The following MROH2A variants were observed in gnomAD, a reference collection of about 807,000 sequenced individuals.
MROH2A encodes the protein maestro heat-like repeat-containing protein family member 2A.
Under a neutral mutation model 200.4 loss-of-function variants are expected in MROH2A, and 174 were observed. The observed-to-expected ratio is 0.87, with a 90% CI of 0.77 to 0.98. The LOEUF (loss-of-function observed/expected upper bound fraction) is 0.98. Among genes scored for constraint, MROH2A ranks in the 50% least tolerant of loss-of-function variants. MROH2A has a pLI of 0.00. For synonymous variants in MROH2A, 829 were observed against 840.4 expected, an observed-to-expected ratio of 0.99 and a Z score of 0.23; for missense variants, 2,045 against 2,139.6, an observed-to-expected ratio of 0.96 and a Z score of 0.87.
upstream of MROH2A, among the ~76,000 whole-genome samples, chr2:233,775,990 C>T (rs1444911369): frequency 6.6e-6 from 1 of 152,172 alleles, no homozygotes; most frequent in Non-Finnish European, 1.5e-5. Context: ...AAGATGTGCC[C>T]TTGCTCCTCC....
At position 233,807,716 on chromosome 2, in the gene MROH2A, G is replaced by C. The variant is rs947365911; in HGVS notation, c.2173-17G>C. The C allele has an allele frequency of 5.8e-6, 9 of 1,550,650 alleles. No individual in the cohort carries two copies. Among genetic ancestry groups the C allele is most frequent in the Middle Eastern group, 1.7e-4 (1 of 5,990 alleles). ...CTGGCCCCTGCCCTCACCCTGGCTG[G>C]CTGGGTCTCCCTGCAGGGTGTGATT... On this transcript the variant is annotated splice_polypyrimidine_tract_variant and intron_variant, in intron 20 of 41. Coordinates refer to ENST00000389758, the MANE Select transcript of MROH2A (RefSeq NM_001394639.1). This position sits in a 1 kb window ranked among gnomAD's most constrained non-coding sequence, Gnocchi z 4.3.
chr2:233,786,135 G>C (rs915251325), intron 3 of MROH2A, among the ~76,000 whole-genome samples: 2 of 152,204 alleles, frequency 1.3e-5, no homozygotes, highest in Middle Eastern at 3.4e-3. Flanking sequence ...ATTCTCTCTT[G>C]CTTGCTGCCA....
At chr2:233,781,511 T>A (rs1700953887) in intron 3 of MROH2A, among the ~76,000 whole-genome samples, 1 of 152,180 alleles carries the variant, frequency 6.6e-6, no homozygotes, top group Admixed American at 6.5e-5. Context: ...TTTTTTTATA[T>A]CCCTGTTGGC....
intron 3 of MROH2A, among the ~76,000 whole-genome samples, chr2:233,784,716 C>A (rs995532579): frequency 3.9e-5 from 6 of 152,270 alleles, no homozygotes; most frequent in Admixed American, 3.3e-4. Context: ...CATGGGTAGG[C>A]CTTACTAGAA....
At chr2:233,778,305 AC>A (rs1700770113), upstream of MROH2A, 1 of 166,464 alleles carries the variant, frequency 6.0e-6, no homozygotes, top group Non-Finnish European at 1.5e-5. Flanking sequence ...TTCTAGTGAA[AC>A]CCTCCCACCC....
intron 16 of MROH2A, 118 bp from the exon 17 acceptor site, chr2:233,803,920 TCTATTTGAAATCC>T: frequency 8.2e-7 from 1 of 1,223,844 alleles, no homozygotes; most frequent in Non-Finnish European, 1.1e-6. Flanking sequence ...AGGTGCACTC[TCTATTTGAAATCC>T]CTATTTGAAA....
intron 6 of MROH2A, among the ~76,000 whole-genome samples, 164 bp downstream of exon 6, chr2:233,793,058 T>A (rs1318247353): frequency 6.6e-6 from 1 of 152,234 alleles, no homozygotes; most frequent in Admixed American, 6.5e-5. Flanking sequence ...TCTGATTGGC[T>A]GCCTGGGGCA....
In MROH2A at chr2:233,820,024, A is replaced by C. The variant is rs1208234015; in HGVS notation, c.3480A>C (p.Thr1160=). 6.5e-7 allele frequency: 1 copy of C among 1,542,492 alleles called. No individual in the cohort carries two copies. Among genetic ancestry groups the C allele is most frequent in the Non-Finnish European group, 8.8e-7 (1 of 1,141,602 alleles). The change falls in exon 31 of 42, where the codon ACA becomes ACC. Residue 1160 remains threonine, a synonymous_variant. Transcript: ENST00000389758. The surrounding 1 kb of genome is among the most constrained non-coding windows in gnomAD (Gnocchi z 4.1). ...ACCACCACCAGGAGACCATCCTCAC[A>C]TCGCTCCTGAGGCAGCCACTGCCCA... ...LAHHHQETIL[T]SLLRQPLPME...
In MROH2A at chr2:233,796,271, G is replaced by C. The variant is rs908456415; in HGVS notation, c.1210G>C (p.Val404Leu). 2 of 1,431,320 alleles carry C rather than the reference G, an allele frequency of 1.4e-6. No homozygotes were observed. Among genetic ancestry groups the C allele is most frequent in the African/African-American group, 1.5e-5 (1 of 68,280 alleles). The allele number at this position is 1,431,320 out of a possible 1,614,324, so 88.7% of individuals were successfully genotyped here. ...GGAGACAAACAAGGAGGCCGTCCGC[G>C]TGGGGACTCTGAATCTGATTAGGGC... Reference protein sequence around the residue: ...QMETNKEAVRVGTLNLIRAIV... With the variant: ...QMETNKEAVRLGTLNLIRAIV... Residue 404 changes from valine (V) to leucine (L), a missense_variant, in exon 11 of 42, where the codon GTG becomes CTG. This residue lies in a region of MROH2A where 831 missense variants were observed against 800.0 expected (regional missense o/e 1.04). Coordinates refer to ENST00000389758, the MANE Select transcript of MROH2A (RefSeq NM_001394639.1).
intron 35 of MROH2A, among the ~76,000 whole-genome samples, chr2:233,826,005 A>G (rs530688099): frequency 1.4e-5 from 2 of 141,568 alleles, no homozygotes; most frequent in East Asian, 4.1e-4. Flanking sequence ...GCTCACTGCA[A>G]CCTCCACCTC....
chr2:233,788,091 CATATATTATATATACAT>C (rs1303202184), intron 3 of MROH2A, among the ~76,000 whole-genome samples: 4 of 75,848 alleles, frequency 5.3e-5, no homozygotes, highest in Non-Finnish European at 7.1e-5. Context: ...ATTATATATA[CATATATTATATATACAT>C]ATATATTATA....
At position 233,818,789 on chromosome 2, in the gene MROH2A, G is replaced by T. The variant is rs1309995419; in HGVS notation, c.3204+19G>T. On this transcript the variant is annotated intron_variant, in intron 29 of 41. Coordinates refer to ENST00000389758, the MANE Select transcript of MROH2A (RefSeq NM_001394639.1). ...CGCCAAGGTGACAGCCGGGGAGCCT[G>T]CCTGGGCTGCCAGGCTGGTCTCAGG... is the stretch of plus-strand genomic sequence containing the variant. 2.7e-6 allele frequency: 4 copies of T among 1,471,648 alleles called. No homozygotes were observed. The highest frequency in any genetic ancestry group is 1.4e-5 in the African/African-American group (1 of 70,958). The allele number at this position is 1,471,648 out of a possible 1,614,324, so 91.2% of individuals were successfully genotyped here.
Position 233,820,197 on chromosome 2 carries a change from A to AC in MROH2A, c.3512+143dup. 1 of 698,890 alleles carries AC rather than the reference A, an allele frequency of 1.4e-6. No individual in the cohort carries two copies. Among genetic ancestry groups the AC allele is most frequent in the Non-Finnish European group, 2.1e-6 (1 of 468,018 alleles). The allele number at this position is 698,890 out of a possible 1,614,324, so 43.3% of individuals were successfully genotyped here. On this transcript the variant is annotated intron_variant, in intron 31 of 41. Transcript: ENST00000389758. This position sits in a 1 kb window ranked among gnomAD's most constrained non-coding sequence, Gnocchi z 4.1. Reference sequence around the variant, plus strand: ...AAGGAGGTCGAAGCCCTCTTCCTGTACCTCCTGCAGGAGGTGCCAGCCTCC... The same window carrying AC: ...AAGGAGGTCGAAGCCCTCTTCCTGTACCCTCCTGCAGGAGGTGCCAGCCTCC...
intron 5 of MROH2A, among the ~76,000 whole-genome samples, chr2:233,790,432 T>TCCTTCCTCCCTCCCTCCCC (rs1559441218): frequency 2.4e-4 from 20 of 81,828 alleles, no homozygotes; most frequent in African/African-American, 1.2e-3. Context: ...TTTTCTTCTC[T>TCCTTCCTCCCTCCCTCCCC]CCTTCCTTCC....
At chr2:233,826,218 C>A (rs966486237) in intron 35 of MROH2A, among the ~76,000 whole-genome samples, 1 of 152,266 alleles carries the variant, frequency 6.6e-6, no homozygotes, top group African/African-American at 2.4e-5. Flanking sequence ...CCACCACGCC[C>A]GACCACCTCT....
chr2:233,783,638 C>T (rs1197259564), intron 3 of MROH2A, among the ~76,000 whole-genome samples: 3 of 152,100 alleles, frequency 2.0e-5, no homozygotes, highest in Non-Finnish European at 2.9e-5. Flanking sequence ...CTCTGCCTCC[C>T]GGGTTCAAGC....
chr2:233,779,384 C>T lies in MROH2A; in HGVS notation c.26C>T (p.Ala9Val). 6.5e-7 allele frequency: 1 copy of T among 1,549,648 alleles called. No homozygotes were observed. The highest frequency in any genetic ancestry group is 8.7e-7 in the Non-Finnish European group (1 of 1,146,086). Reference protein sequence around the residue: MTEAITEAAVASSEEVSEE... With the variant: MTEAITEAVVASSEEVSEE... Reference sequence around the variant, plus strand: ...ATGACTGAAGCCATTACAGAAGCAGCAGTAGCCTCAAGTGAGGAGGTGTCA... The same window carrying T: ...ATGACTGAAGCCATTACAGAAGCAGTAGTAGCCTCAAGTGAGGAGGTGTCA... The change falls in exon 2 of 42, where the codon GCA becomes GTA. Residue 9 changes from alanine (A) to valine (V), a missense_variant. Coordinates refer to ENST00000389758, the MANE Select transcript of MROH2A (RefSeq NM_001394639.1).
Position 233,819,782 on chromosome 2 carries a change from G to A in MROH2A, c.3358-120G>A, listed in dbSNP as rs1297169844. On this transcript the variant is annotated intron_variant, in intron 30 of 41. Transcript: ENST00000389758. ...GGATGCACTAGAGAGGGTGCTGGGC[G>A]CTTAACCTCCCCATTGTCCAACTGG... The A allele has an allele frequency of 2.3e-5, 27 of 1,152,486 alleles. No homozygotes were observed. In the East Asian group the frequency reaches 2.4e-4, roughly 10 times the overall value. The allele number at this position is 1,152,486 out of a possible 1,614,324, so 71.4% of individuals were successfully genotyped here. A position where few individuals can be genotyped will look rare whatever the true frequency, so the allele number is the denominator to read the frequency against.
intron 24 of MROH2A, 27 bp from the exon 25 acceptor site, chr2:233,813,643 C>G: frequency 7.0e-7 from 1 of 1,422,812 alleles, no homozygotes; most frequent in Non-Finnish European, 9.7e-7. Context: ...AATGACTGTT[C>G]CTCTCTTGTC....
Sources: allele counts gnomAD v4.1 joint callset (sites outside exome capture counted in the v4.1 genomes callset), GRCh38; gene constraint gnomAD v4.1.1; regional missense constraint gnomAD v4.1.1; non-coding constraint Gnocchi (gnomAD v3.1); transcripts MANE v1.5; gene names NCBI Gene and HGNC (gene_info 2026-07-23, HGNC 2026-07-21).